Variants in CDCA7 observed in about 807,000 individuals in gnomAD.
CDCA7 encodes the protein cell division cycle-associated protein 7.
CDCA7 carries 28 observed loss-of-function variants against 54.0 expected under a neutral mutation model. The observed-to-expected ratio is 0.52, with a 90% CI of 0.38 to 0.71. The LOEUF is 0.71. Among genes scored for constraint, CDCA7 ranks in the 30% least tolerant of loss-of-function variants. The probability of loss-of-function intolerance (pLI) is 0.00; values close to 1 mark genes in which losing one functional copy is unlikely to be tolerated. For synonymous variants in CDCA7, 180 were observed against 208.2 expected (o/e 0.86, Z 1.16); for missense variants, 484 against 586.0 (o/e 0.83, Z 1.80).
At chr2:173,357,392 A>C (rs1207197878) in intron 1 of CDCA7, among the ~76,000 whole-genome samples, 1 of 152,226 alleles carries the variant, frequency 6.6e-6, no homozygotes, top group Non-Finnish European at 1.5e-5. Context: ...AGAGTGCTAA[A>C]ATGGAATCCG....
Position 173,364,811 on chromosome 2 carries a change from G to A in CDCA7, c.716G>A (p.Arg239Gln), listed in dbSNP as rs780128145. The A allele has an allele frequency of 2.6e-5, 42 of 1,607,354 alleles. No individual in the cohort carries two copies. The highest frequency in any genetic ancestry group is 5.6e-5 in the South Asian group (5 of 89,678). Residue 239 changes from arginine (R) to glutamine (Q), a missense_variant, in exon 6 of 10, where the codon CGA becomes CAA. Physicochemically the swap from Arg to Gln is conservative, Grantham distance 43. This residue lies in a region of CDCA7 where 398 missense variants were observed against 447.4 expected (regional missense o/e 0.89). Transcript: ENST00000306721. ...TTTGTTTAGCAATCAAGGAGACCGC[G>A]AAGGCGTACATTCCCGGGTGTTGCT... Reference protein sequence around the residue: ...PGSDSQSRRPRRRTFPGVASR... With the variant: ...PGSDSQSRRPQRRTFPGVASR...
Position 173,367,292 on chromosome 2 carries a change from G to T in CDCA7, c.1322+6G>T. 6.2e-7 allele frequency: 1 copy of T among 1,613,966 alleles called. No homozygotes were observed. The highest frequency in any genetic ancestry group is 8.5e-7 in the Non-Finnish European group (1 of 1,179,974). ...GTGCATGCCTACTTGAAAAGGTAGT[G>T]GGTGTTTTTTTTTCCCTTCCACATC... is the stretch of plus-strand genomic sequence containing the variant. On this transcript the variant is annotated splice_donor_region_variant and intron_variant, in intron 9 of 9. Transcript: ENST00000306721.
Position 173,366,388 on chromosome 2 carries a change from C to T in CDCA7, c.1141C>T (p.Arg381Ter). The T allele has an allele frequency of 6.2e-7, 1 of 1,614,090 alleles. No individual in the cohort carries two copies. Among genetic ancestry groups the T allele is most frequent in the Non-Finnish European group, 8.5e-7 (1 of 1,180,036 alleles). Reference protein sequence around the residue: ...VRGQFCGPCLRNRYGEEVRDA... With the variant: ...VRGQFCGPCL ...AGGCCAGTTCTGTGGCCCCTGCCTTCGAAACCGTTATGGTGAAGAGGTCAG... is the reference window on the plus strand; with the variant it reads ...AGGCCAGTTCTGTGGCCCCTGCCTTTGAAACCGTTATGGTGAAGAGGTCAG... The change falls in exon 8 of 10, where the codon CGA becomes TGA. Residue 381 changes from arginine (R) to a stop codon, truncating the protein, a stop_gained. Transcript: ENST00000306721. LOFTEE classifies it high-confidence loss of function. The surrounding 1 kb of genome is among the most constrained non-coding windows in gnomAD (Gnocchi z 4.5).
chr2:173,355,917 G>C (rs1178771785), intron 1 of CDCA7, among the ~76,000 whole-genome samples: 2 of 152,116 alleles, frequency 1.3e-5, no homozygotes, highest in African/African-American at 4.8e-5. Flanking sequence ...GTGGAGCTGG[G>C]CATTGGCTTT....
At chr2:173,364,706 A>G (rs1487390379) in intron 5 of CDCA7, 89 bp from the exon 6 acceptor site, 7 of 1,500,792 alleles carry the variant, frequency 4.7e-6, no homozygotes, top group Non-Finnish European at 6.2e-6. Flanking sequence ...TTTACTTAAA[A>G]CATCCTTAAG....
Position 173,365,010 on chromosome 2 carries a change from C to T in CDCA7, c.894+21C>T, listed in dbSNP as rs747068213. 3.2e-6 allele frequency: 5 copies of T among 1,544,380 alleles called. No individual in the cohort carries two copies. The East Asian group carries it at 6.9e-5, about 21-fold the overall frequency. On this transcript the variant is annotated intron_variant, in intron 6 of 9. Coordinates refer to ENST00000306721, the MANE Select transcript of CDCA7 (RefSeq NM_031942.5). ...TGAATGTGAGTTCTCCGCATTGGTACTTGCTCTTCTGATTCTCATCTTCGG... is the reference window on the plus strand; with the variant it reads ...TGAATGTGAGTTCTCCGCATTGGTATTTGCTCTTCTGATTCTCATCTTCGG...
In CDCA7 at chr2:173,359,262, A is replaced by C; in HGVS notation, c.155A>C (p.Lys52Thr). 4 of 1,610,554 alleles carry C rather than the reference A, an allele frequency of 2.5e-6. No homozygotes were observed. The highest frequency in any genetic ancestry group is 3.4e-6 in the Non-Finnish European group (4 of 1,178,288). Residue 52 changes from lysine to threonine, a missense_variant, in exon 3 of 10, where the codon AAA becomes ACA. Around this residue, in one of 3 missense-constraint regions of CDCA7, gnomAD observed 398 missense variants for 447.4 expected, o/e 0.89. Coordinates refer to ENST00000306721, the MANE Select transcript of CDCA7 (RefSeq NM_031942.5). ...TATTTATTTATTTTACAGAAACCTA[A>C]ATTCAGGTCAGATATCAGTGAAGAA... ...ASDNFANTKP[K>T]FRSDISEELA...
At chr2:173,359,719 A>C (rs928754287) in intron 3 of CDCA7, among the ~76,000 whole-genome samples, 1 of 152,240 alleles carries the variant, frequency 6.6e-6, no homozygotes, top group Admixed American at 6.5e-5. Context: ...GAAACTGGTA[A>C]GATAAAATTG....
chr2:173,359,205 C>A, intron 2 of CDCA7, 50 bp from the exon 3 acceptor site: 1 of 1,508,832 alleles, frequency 6.6e-7, no homozygotes. Flanking sequence ...AAAATTGGTT[C>A]TTGAAAAAGA....
Position 173,366,063 on chromosome 2 carries a change from G to A in CDCA7, c.1036-220G>A, listed in dbSNP as rs143712429. On this transcript the variant is annotated intron_variant, in intron 7 of 9. Coordinates refer to ENST00000306721, the MANE Select transcript of CDCA7 (RefSeq NM_031942.5). This position sits in a 1 kb window ranked among gnomAD's most constrained non-coding sequence, Gnocchi z 4.5. ...TGGTCTTGAACTCCTTGGCTCAAGC[G>A]ATCCACTCTCCTCAGTCTCCCGGAA... is the stretch of plus-strand genomic sequence containing the variant. Among the ~76,000 whole-genome samples the A allele has an allele frequency of 2.0e-4, 31 of 152,206 alleles. No individual in the cohort carries two copies. The East Asian group carries it at 5.8e-3, about 28-fold the overall frequency.
At position 173,367,191 on chromosome 2, in the gene CDCA7, T is replaced by C; in HGVS notation, c.1227T>C (p.Ser409=). 6.2e-7 allele frequency: 1 copy of C among 1,605,840 alleles called. No homozygotes were observed. The highest frequency in any genetic ancestry group is 8.5e-7 in the Non-Finnish European group (1 of 1,177,094). ...CPPCRGICNC[S]FCRQRDGRCA... is the part of the protein sequence containing the mutation. ...CTTGTCGAGGAATCTGCAACTGCAGTTTCTGCCGGCAGCGAGATGGACGGT... is the reference window on the plus strand; with the variant it reads ...CTTGTCGAGGAATCTGCAACTGCAGCTTCTGCCGGCAGCGAGATGGACGGT... The change falls in exon 9 of 10, where the codon AGT becomes AGC. Residue 409 remains serine (S), a synonymous_variant. Transcript: ENST00000306721.
intron 7 of CDCA7, 95 bp downstream of exon 7, chr2:173,365,687 C>T: frequency 7.4e-7 from 1 of 1,358,020 alleles, no homozygotes; most frequent in Non-Finnish European, 1.0e-6. Context: ...AAGGGCCTAG[C>T]ATGTGAAATC....
intron 3 of CDCA7, among the ~76,000 whole-genome samples, chr2:173,361,144 A>AAT (rs1686613221): frequency 6.6e-6 from 1 of 152,160 alleles, no homozygotes; most frequent in Admixed American, 6.5e-5. Context: ...TTTATTGCAG[A>AAT]ATATTCTGTT....
intron 9 of CDCA7, 72 bp from the exon 10 acceptor site, chr2:173,367,562 G>A: frequency 1.3e-6 from 2 of 1,566,246 alleles, no homozygotes; most frequent in Non-Finnish European, 1.8e-6. Context: ...TTTTAAAAAT[G>A]AATTAGGCTT....
intron 4 of CDCA7, 71 bp downstream of exon 4, chr2:173,363,533 C>T: frequency 7.1e-7 from 1 of 1,410,596 alleles, no homozygotes; most frequent in Non-Finnish European, 9.9e-7. Context: ...TCTGTTCCAT[C>T]ACGCAAAAGT....
intron 6 of CDCA7, 100 bp from the exon 7 acceptor site, chr2:173,365,352 T>C (rs1403765302): frequency 1.5e-6 from 2 of 1,345,562 alleles, no homozygotes; most frequent in African/African-American, 1.5e-5. Flanking sequence ...GAGCCAGTTT[T>C]GAATCTCTGT....
Position 173,367,247 on chromosome 2 carries a change from A to G in CDCA7, c.1283A>G (p.Lys428Arg). 6.2e-7 allele frequency: 1 copy of G among 1,614,014 alleles called. No individual in the cohort carries two copies. The highest frequency in any genetic ancestry group is 8.5e-7 in the Non-Finnish European group (1 of 1,179,976). The change falls in exon 9 of 10, where the codon AAA becomes AGA. Residue 428 changes from lysine (K) to arginine (R), a missense_variant. Physicochemically the swap from Lys to Arg is conservative, Grantham distance 26. Around this residue, in one of 3 missense-constraint regions of CDCA7, gnomAD observed 83 missense variants for 122.3 expected, o/e 0.68. Transcript: ENST00000306721. ...ACTGGGGTCCTTGTGTATTTAGCCA[A>G]ATATCATGGCTTTGGGAATGTGCAT... ...CATGVLVYLA[K>R]YHGFGNVHAY...
intron 3 of CDCA7, among the ~76,000 whole-genome samples, chr2:173,361,139 T>C (rs2106389560): frequency 6.6e-6 from 1 of 152,328 alleles, no homozygotes; most frequent in Non-Finnish European, 1.5e-5. Flanking sequence ...TTCATTTTAT[T>C]GCAGAATATT....
Position 173,354,910 on chromosome 2 carries a change from G to A in CDCA7, c.-54G>A. The A allele has an allele frequency of 6.3e-6, 9 of 1,435,282 alleles. No homozygotes were observed. The highest frequency in any genetic ancestry group is 1.5e-5 in the African/African-American group (1 of 66,248). 88.9% of individuals were successfully genotyped at this position (1,435,282 alleles called of 1,614,324 possible). A position where few individuals can be genotyped will look rare whatever the true frequency, so the allele number is the denominator to read the frequency against. On this transcript the variant is annotated 5_prime_UTR_variant, in exon 1 of 10. Transcript: ENST00000306721. ...CTCCTGCTGTGGGACCGCTGACCGC[G>A]CGGCTGCTCCGCTCTCCCCGCTCCA...
Sources: gnomAD v4.1 joint callset for allele counts (sites outside exome capture counted in the v4.1 genomes callset) on GRCh38, gnomAD v4.1.1 for gene constraint, gnomAD v4.1.1 regional missense constraint, Gnocchi (gnomAD v3.1) non-coding constraint, MANE v1.5 for transcripts, NCBI Gene and HGNC (gene_info 2026-07-23, HGNC 2026-07-21) for gene names.